Variants in PPM1L observed in about 807,000 individuals in gnomAD.
PPM1L encodes the protein protein phosphatase 1L.
In PPM1L, 13 loss-of-function variants were observed where a neutral mutation model predicts 31.4. The observed-to-expected ratio is 0.41, with a 90% CI of 0.27 to 0.66. PPM1L has a LOEUF of 0.66. PPM1L is among the 30% of genes least tolerant of loss of function. The probability of loss-of-function intolerance (pLI) is 0.29; values close to 1 mark genes in which losing one functional copy is unlikely to be tolerated. For synonymous variants in PPM1L, 184 were observed against 175.4 expected, an observed-to-expected ratio of 1.05 and a Z score of -0.39; for missense variants, 326 against 453.7, an observed-to-expected ratio of 0.72 and a Z score of 2.56.
intron 1 of PPM1L, among the ~76,000 whole-genome samples, chr3:160,871,151 T>A (rs371354976): frequency 2.6e-4 from 40 of 152,312 alleles, no homozygotes; most frequent in African/African-American, 9.1e-4. Flanking sequence ...CTTCAGACTT[T>A]AAAACTGTTG....
chr3:160,796,643 C>G (rs1001768506), intron 1 of PPM1L, among the ~76,000 whole-genome samples: 1 of 152,110 alleles, frequency 6.6e-6, no homozygotes, highest in Admixed American at 6.5e-5. Flanking sequence ...AGGAGCATGA[C>G]GAAGGGCTTG....
chr3:160,900,540 TC>T (rs1576700132), intron 1 of PPM1L, among the ~76,000 whole-genome samples: 1 of 152,106 alleles, frequency 6.6e-6, no homozygotes, highest in East Asian at 1.9e-4. Context: ...TCCTTTTTAT[TC>T]CCCTTCCTTC....
chr3:160,887,573 C>CTTTTTT (rs58869949), intron 1 of PPM1L, among the ~76,000 whole-genome samples: 4 of 142,624 alleles, frequency 2.8e-5, no homozygotes, highest in Non-Finnish European at 3.0e-5. Flanking sequence ...TAATATTCAA[C>CTTTTTT]TTTTTTTTTT....
At chr3:161,068,752 T>C (rs1719819834) in intron 3 of PPM1L, 59 bp from the exon 4 acceptor site, 1 of 1,434,638 alleles carries the variant, frequency 7.0e-7, no homozygotes, top group African/African-American at 1.4e-5. Flanking sequence ...GTACCTAGAC[T>C]ATCCCAGGTA....
intron 1 of PPM1L, among the ~76,000 whole-genome samples, chr3:160,782,330 A>ACCACCACC (rs1711772821): frequency 6.6e-6 from 1 of 152,210 alleles, no homozygotes; most frequent in Non-Finnish European, 1.5e-5. Context: ...CACTACCACC[A>ACCACCACC]CCACCACCAT....
chr3:160,919,365 A>G (rs1404639578), intron 1 of PPM1L, among the ~76,000 whole-genome samples: 1 of 152,150 alleles, frequency 6.6e-6, no homozygotes, highest in African/African-American at 2.4e-5. Flanking sequence ...TTCTTCCAAA[A>G]TAGGATATTT....
intron 1 of PPM1L, among the ~76,000 whole-genome samples, chr3:160,858,533 C>A (rs1405404422): frequency 6.6e-6 from 1 of 152,194 alleles, no homozygotes; most frequent in Admixed American, 6.5e-5. Context: ...ACTTCAAGTG[C>A]AGTGAATCAC....
At chr3:160,852,297 T>A (rs1274488951) in intron 1 of PPM1L, among the ~76,000 whole-genome samples, 3 of 152,092 alleles carry the variant, frequency 2.0e-5, no homozygotes, top group Non-Finnish European at 4.4e-5. Context: ...GTCTTTTGTG[T>A]TACAAAAACA....
intron 1 of PPM1L, among the ~76,000 whole-genome samples, chr3:160,876,243 T>C (rs2108033664): frequency 6.6e-6 from 1 of 152,314 alleles, no homozygotes; most frequent in Admixed American, 6.5e-5. Flanking sequence ...TTTGAGTAAC[T>C]TATGACAGTA....
At chr3:160,940,682 A>G (rs552784415) in intron 1 of PPM1L, among the ~76,000 whole-genome samples, 2 of 152,356 alleles carry the variant, frequency 1.3e-5, no homozygotes, top group South Asian at 4.1e-4. Flanking sequence ...CAGAAGATGT[A>G]TGAAACTGCC....
At chr3:160,808,403 G>GCGCGCGCGCA (rs1560112689) in intron 1 of PPM1L, among the ~76,000 whole-genome samples, 2 of 149,306 alleles carry the variant, frequency 1.3e-5, no homozygotes, top group African/African-American at 5.0e-5. Context: ...GTGTGTGTGT[G>GCGCGCGCGCA]TGTGTGTGTG....
At chr3:161,003,866 C>T (rs924682137) in intron 2 of PPM1L, among the ~76,000 whole-genome samples, 27 of 150,920 alleles carry the variant, frequency 1.8e-4, no homozygotes, top group African/African-American at 6.6e-4. Flanking sequence ...GCCAGAACTT[C>T]CAACACTATG....
intron 1 of PPM1L, among the ~76,000 whole-genome samples, chr3:160,836,693 T>G (rs751086672): frequency 6.6e-6 from 1 of 152,208 alleles, no homozygotes; most frequent in Non-Finnish European, 1.5e-5. Flanking sequence ...GTTTGGACAC[T>G]TTCTGTGTTT....
chr3:161,072,387 T>TAA lies in PPM1L; in HGVS notation c.*3231_*3232insAA, dbSNP rs1244338862. 3 of 152,240 alleles carry TAA rather than the reference T, an allele frequency of 2.0e-5. No homozygotes were observed. The highest frequency in any genetic ancestry group is 7.2e-5 in the African/African-American group (3 of 41,470). The allele number at this position is 152,240 out of a possible 1,614,324, so 9.4% of individuals were successfully genotyped here. On this transcript the variant is annotated 3_prime_UTR_variant, in exon 4 of 4. Coordinates refer to ENST00000498165, the MANE Select transcript of PPM1L (RefSeq NM_139245.4). The stretch of plus-strand genomic sequence containing the variant: ...AGGTATTGGCTTCTTGAATCTTGTA[T>TAA]ATGTCATAAGAATATTATACAGAGA...
Position 160,939,267 on chromosome 3 carries a change from A to G in PPM1L, c.400-22469A>G, listed in dbSNP as rs536550773. On this transcript the variant is annotated intron_variant, in intron 1 of 3. Transcript: ENST00000498165. ...TACATACTCTTCCCTCCAGCTCTAT[A>G]ACTCTGCAGCTCTGTAGCCCAATTC... is the stretch of plus-strand genomic sequence containing the variant. 1.5e-3 allele frequency among the ~76,000 whole-genome samples: 230 copies of G among 152,174 alleles called. 1 individual carries two copies. The highest frequency in any genetic ancestry group is 3.4e-3 in the Middle Eastern group (1 of 294).
rs143427104 is a variant in PPM1L at position 160,889,585 on chromosome 3, G to A, written c.400-72151G>A. 2.8e-4 allele frequency among the ~76,000 whole-genome samples: 43 copies of A among 152,276 alleles called. 1 individual carries two copies. The highest frequency in any genetic ancestry group is 7.7e-4 in the East Asian group (4 of 5,180). On this transcript the variant is annotated intron_variant, in intron 1 of 3. Coordinates refer to ENST00000498165, the MANE Select transcript of PPM1L (RefSeq NM_139245.4). ...TCTATTACAGGTACAAAGAGGAGCT[G>A]GTATCATTCCTTCTGAAACTATTCC...
chr3:160,965,541 G>A (rs917164961), intron 2 of PPM1L, among the ~76,000 whole-genome samples: 10 of 152,090 alleles, frequency 6.6e-5, no homozygotes, highest in African/African-American at 2.2e-4. Flanking sequence ...TAAGTGTTCC[G>A]AGCATATATA....
At chr3:160,825,113 T>A (rs1201315388) in intron 1 of PPM1L, among the ~76,000 whole-genome samples, 1 of 152,120 alleles carries the variant, frequency 6.6e-6, no homozygotes, top group East Asian at 1.9e-4. Context: ...TCCTGATGTA[T>A]GCTGGCTTTC....
chr3:160,886,562 C>A (rs949722123), intron 1 of PPM1L, among the ~76,000 whole-genome samples: 1 of 152,108 alleles, frequency 6.6e-6, no homozygotes, highest in East Asian at 1.9e-4. Context: ...AGGAGCGAAC[C>A]AGATGAATAC....
Sources: gnomAD v4.1 joint callset for allele counts (sites outside exome capture counted in the v4.1 genomes callset) on GRCh38, gnomAD v4.1.1 for gene constraint, MANE v1.5 for transcripts, NCBI Gene and HGNC (gene_info 2026-07-23, HGNC 2026-07-21) for gene names.